Variants in PRELID2 observed in about 807,000 individuals in gnomAD.
PRELID2 encodes the protein PRELI domain containing 2, also known as PRELI domain-containing protein 2.
In PRELID2, 25 loss-of-function variants were observed where a neutral mutation model predicts 28.4. The ratio of observed to expected loss-of-function variants is 0.88; its 90% CI spans 0.64 to 1.23. The LOEUF is 1.23. Ranked by LOEUF, PRELID2 falls within the 50% of genes most tolerant of loss-of-function variation. The pLI, the probability that PRELID2 is intolerant of heterozygous loss-of-function variation, is 0.00. For synonymous variants in PRELID2, 76 were observed against 71.6 expected (o/e 1.06, Z -0.31); for missense variants, 201 against 214.4 (o/e 0.94, Z 0.39).
intron 1 of PRELID2, among the ~76,000 whole-genome samples, chr5:145,521,702 G>A (rs1333823530): frequency 1.3e-5 from 2 of 152,094 alleles, no homozygotes; most frequent in African/African-American, 4.8e-5. Context: ...ATGCAGCCTG[G>A]AGCAGACCCA....
In PRELID2 at chr5:145,768,936, G is replaced by GA. The variant is rs200453980; in HGVS notation, c.475-3937dup. On this transcript the variant is annotated intron_variant, in intron 5 of 6. Transcript: ENST00000683046. Reference sequence around the variant, plus strand: ...AGAGGCCTATAAAATAAACAAAAAAGAAAAAAAAACACCTAACAGGGAAGC... The same window carrying GA: ...AGAGGCCTATAAAATAAACAAAAAAGAAAAAAAAAACACCTAACAGGGAAGC... Among the ~76,000 whole-genome samples the GA allele has an allele frequency of 2.3e-3, 336 of 148,450 alleles. 1 individual carries two copies. Among genetic ancestry groups the GA allele is most frequent in the East Asian group, 0.017 (84 of 5,070 alleles).
intron 1 of PRELID2, among the ~76,000 whole-genome samples, chr5:145,598,104 C>T (rs1753336681): frequency 6.6e-6 from 1 of 151,792 alleles, no homozygotes; most frequent in Non-Finnish European, 1.5e-5. Flanking sequence ...TTTCAATAGA[C>T]AAAGTGAAAA....
At chr5:145,817,550 C>T (rs944836125) in intron 4 of PRELID2, among the ~76,000 whole-genome samples, 5 of 148,306 alleles carry the variant, frequency 3.4e-5, no homozygotes, top group African/African-American at 1.2e-4. Flanking sequence ...AAAATATATA[C>T]AAAACCATAC....
the PRELID2 span, among the ~76,000 whole-genome samples, chr5:145,270,346 A>G: frequency 6.6e-6 from 1 of 152,154 alleles, no homozygotes; most frequent in Non-Finnish European, 1.5e-5. Flanking sequence ...CAATGAAAGA[A>G]TGGATATGTA....
chr5:145,545,507 T>G (rs991941893), intron 1 of PRELID2, among the ~76,000 whole-genome samples: 9 of 152,074 alleles, frequency 5.9e-5, no homozygotes, highest in African/African-American at 1.9e-4. Context: ...AAATTTTATC[T>G]AGTCATAGGC....
At chr5:145,592,612 T>A (rs1753248022) in intron 1 of PRELID2, among the ~76,000 whole-genome samples, 1 of 152,172 alleles carries the variant, frequency 6.6e-6, no homozygotes, top group African/African-American at 2.4e-5. Flanking sequence ...ATTGCTTATA[T>A]TTTTTAAAAA....
intron 1 of PRELID2, among the ~76,000 whole-genome samples, chr5:145,650,071 A>G (rs1341024766): frequency 6.6e-6 from 1 of 152,232 alleles, no homozygotes. Context: ...CAGTGAGATC[A>G]TTCAAAGTTG....
At chr5:145,257,110 TG>T in the PRELID2 span, among the ~76,000 whole-genome samples, 1 of 151,940 alleles carries the variant, frequency 6.6e-6, no homozygotes, top group Non-Finnish European at 1.5e-5. Context: ...TTATTCTTAA[TG>T]TACTATATAA....
At chr5:145,242,292 A>C in the PRELID2 span, among the ~76,000 whole-genome samples, 1 of 151,988 alleles carries the variant, frequency 6.6e-6, no homozygotes, top group African/African-American at 2.4e-5. Context: ...ACTAGCTGGA[A>C]TATTTTTCAG....
chr5:145,644,754 G>A (rs566311798), intron 1 of PRELID2, among the ~76,000 whole-genome samples: 3 of 152,258 alleles, frequency 2.0e-5, no homozygotes, highest in African/African-American at 7.2e-5. Context: ...CTTTATTTCT[G>A]CCTTCATTTC....
chr5:145,338,751 T>C, the PRELID2 span, among the ~76,000 whole-genome samples: 1 of 152,230 alleles, frequency 6.6e-6, no homozygotes, highest in Non-Finnish European at 1.5e-5. Context: ...ATTCTCAAAA[T>C]AGTTGAAACA....
At chr5:145,522,174 C>A (rs1379969143) in intron 1 of PRELID2, among the ~76,000 whole-genome samples, 3 of 152,132 alleles carry the variant, frequency 2.0e-5, no homozygotes, top group Admixed American at 6.5e-5. Flanking sequence ...GATAAAATTT[C>A]TTTGTCCCAA....
rs1033893680 is a variant in PRELID2, at chr5:145,712,977, T to A, written n.70+51954A>T. Among the ~76,000 whole-genome samples, 15 of 151,436 alleles carry A rather than the reference T, an allele frequency of 9.9e-5. No individual in the cohort carries two copies. The South Asian group carries it at 2.9e-3, about 30-fold the overall frequency. On this transcript the variant is annotated intron_variant and non_coding_transcript_variant, in intron 1 of 2. Transcript: ENST00000510259. ...AAGGGTCAGTCAAGCTAAAGATAGGTCAATAGAAACTGTCTAAATTGAAAT... is the reference window on the plus strand; with the variant it reads ...AAGGGTCAGTCAAGCTAAAGATAGGACAATAGAAACTGTCTAAATTGAAAT...
chr5:145,581,112 T>C (rs1753104018), intron 1 of PRELID2, among the ~76,000 whole-genome samples: 1 of 151,956 alleles, frequency 6.6e-6, no homozygotes, highest in Non-Finnish European at 1.5e-5. Flanking sequence ...AAAATAGCTC[T>C]TGCCTCTTCC....
intron 1 of PRELID2, among the ~76,000 whole-genome samples, chr5:145,664,454 G>T (rs746093850): frequency 1.3e-5 from 2 of 152,026 alleles, no homozygotes; most frequent in Non-Finnish European, 2.9e-5. Flanking sequence ...CTCCAAATGA[G>T]GAATTTCTCT....
At chr5:145,680,141 C>T (rs1297893674) in intron 1 of PRELID2, among the ~76,000 whole-genome samples, 3 of 152,046 alleles carry the variant, frequency 2.0e-5, no homozygotes, top group Non-Finnish European at 4.4e-5. Flanking sequence ...AATATAGAAT[C>T]GAGGGCACTA....
intron 1 of PRELID2, among the ~76,000 whole-genome samples, chr5:145,530,572 G>T (rs1354425519): frequency 6.6e-6 from 1 of 151,984 alleles, no homozygotes; most frequent in Non-Finnish European, 1.5e-5. Context: ...TGGCTGAGAT[G>T]GAGAAGAAAG....
chr5:145,789,370 G>A (rs1482715096), intron 5 of PRELID2, among the ~76,000 whole-genome samples: 4 of 152,050 alleles, frequency 2.6e-5, no homozygotes, highest in African/African-American at 7.2e-5. Flanking sequence ...TGATTTTCAC[G>A]GAAGATGCCA....
chr5:145,780,865 G>A (rs1751536378), intron 5 of PRELID2, among the ~76,000 whole-genome samples: 2 of 152,162 alleles, frequency 1.3e-5, no homozygotes, highest in South Asian at 4.1e-4. Context: ...CTCTCAAAAA[G>A]CCACCATTTT....
Sources: gnomAD v4.1 joint callset for allele counts (sites outside exome capture counted in the v4.1 genomes callset) on GRCh38, gnomAD v4.1.1 for gene constraint, MANE v1.5 for transcripts, NCBI Gene and HGNC (gene_info 2026-07-23, HGNC 2026-07-21) for gene names.